The following OSBPL9 variants were observed in gnomAD, a reference collection of about 807,000 sequenced individuals.
The protein encoded by OSBPL9 is oxysterol-binding protein-related protein 9.
OSBPL9 carries 40 observed loss-of-function variants against 106.6 expected under a neutral mutation model. The observed-to-expected ratio is 0.38, with a 90% CI of 0.29 to 0.49. The LOEUF (loss-of-function observed/expected upper bound fraction) is 0.49. OSBPL9 is among the 20% of genes least tolerant of loss of function. OSBPL9 has a pLI of 0.97. For synonymous variants in OSBPL9, 269 were observed against 295.4 expected, an observed-to-expected ratio of 0.91 and a Z score of 0.92; for missense variants, 609 against 887.2, an observed-to-expected ratio of 0.69 and a Z score of 3.98.
intron 12 of OSBPL9, among the ~76,000 whole-genome samples, chr1:51,766,267 C>T (rs1057108541): frequency 6.6e-5 from 10 of 152,074 alleles, no homozygotes; most frequent in Admixed American, 4.6e-4. Flanking sequence ...AATGTGCCAG[C>T]GTTATTAGTT....
chr1:51,629,939 A>T lies in OSBPL9; in HGVS notation c.111+12718A>T, dbSNP rs375710256. Among the ~76,000 whole-genome samples the T allele has an allele frequency of 4.7e-4, 70 of 150,424 alleles. 3 individuals are homozygous for T. The South Asian group carries it at 0.012, about 25-fold the overall frequency. ...ACTCCAGCCTGGGCGACAGAGCCAT[A>T]TTCCATCTCAAAAAAAAAAAATTAT... On this transcript the variant is annotated intron_variant, in intron 1 of 23. Transcript: ENST00000428468.
At chr1:51,613,526 T>A (rs1483452439), upstream of OSBPL9, among the ~76,000 whole-genome samples, 1 of 152,220 alleles carries the variant, frequency 6.6e-6, no homozygotes, top group Non-Finnish European at 1.5e-5. Context: ...ACAGAGTTAT[T>A]GTGATGGTTA....
chr1:51,553,543 C>CA, the OSBPL9 span, among the ~76,000 whole-genome samples: 50 of 149,764 alleles, frequency 3.3e-4, no homozygotes, highest in South Asian at 1.3e-3. Context: ...ACAAAACAAA[C>CA]AAAAAAAAAG....
the OSBPL9 span, among the ~76,000 whole-genome samples, chr1:51,558,542 G>A: frequency 2.0e-4 from 30 of 152,114 alleles, no homozygotes; most frequent in African/African-American, 7.2e-4. Flanking sequence ...TGGCTCATCT[G>A]GTCTTGTGAC....
At chr1:51,535,717 T>A in the OSBPL9 span, among the ~76,000 whole-genome samples, 106 of 152,004 alleles carry the variant, frequency 7.0e-4, no homozygotes, top group African/African-American at 2.4e-3. Flanking sequence ...CCACCACACC[T>A]GGCTAATTTT....
intron 3 of OSBPL9, among the ~76,000 whole-genome samples, chr1:51,680,768 TC>T (rs1275659217): frequency 6.6e-6 from 1 of 152,172 alleles, no homozygotes; most frequent in Non-Finnish European, 1.5e-5. Flanking sequence ...CTCCATTTTC[TC>T]CATTTGGTTA....
At chr1:51,741,463 C>T (rs945357491) in intron 4 of OSBPL9, among the ~76,000 whole-genome samples, 2 of 148,470 alleles carry the variant, frequency 1.3e-5, no homozygotes, top group African/African-American at 5.0e-5. Context: ...TTCTTTCCTT[C>T]CTTCCTCCTT....
At chr1:51,632,525 G>C (rs1645168939) in intron 1 of OSBPL9, among the ~76,000 whole-genome samples, 1 of 118,090 alleles carries the variant, frequency 8.5e-6, no homozygotes, top group Admixed American at 8.2e-5. Context: ...TAGTTTGCTG[G>C]CAGATGATAA....
intron 1 of OSBPL9, among the ~76,000 whole-genome samples, chr1:51,625,166 TTGTAG>T (rs1218809306): frequency 6.6e-6 from 1 of 152,242 alleles, no homozygotes; most frequent in African/African-American, 2.4e-5. Context: ...GCTTCCTGTG[TTGTAG>T]CAGACAAGCA....
chr1:51,579,466 T>G (rs570383504), intron 1 of OSBPL9, among the ~76,000 whole-genome samples: 27 of 152,306 alleles, frequency 1.8e-4, no homozygotes, highest in African/African-American at 6.5e-4. Context: ...TAAAAATATG[T>G]ATTTGCTGCC....
chr1:51,614,875 C>T (rs888037065), upstream of OSBPL9, among the ~76,000 whole-genome samples: 4 of 152,134 alleles, frequency 2.6e-5, no homozygotes, highest in African/African-American at 9.7e-5. Context: ...CATATAGCTA[C>T]TAAGTGATGA....
chr1:51,763,322 G>A (rs1445057145), intron 11 of OSBPL9, among the ~76,000 whole-genome samples: 1 of 152,000 alleles, frequency 6.6e-6, no homozygotes, highest in Non-Finnish European at 1.5e-5. Flanking sequence ...TTCTTAATTC[G>A]TTTAGGCTTA....
chr1:51,752,031 A>G (rs534222491), intron 8 of OSBPL9, among the ~76,000 whole-genome samples: 11 of 151,926 alleles, frequency 7.2e-5, no homozygotes, highest in East Asian at 1.9e-4. Context: ...CTGTATATGG[A>G]CTCTGTATCT....
chr1:51,746,601 C>A, intron 5 of OSBPL9, 109 bp from the exon 6 acceptor site: 19 of 703,450 alleles, frequency 2.7e-5, no homozygotes, highest in Non-Finnish European at 3.0e-5. Context: ...TATAAATCAT[C>A]CCTGGACAAA....
intron 11 of OSBPL9, 73 bp downstream of exon 11, chr1:51,762,044 A>G: frequency 9.4e-7 from 1 of 1,066,806 alleles, no homozygotes; most frequent in Non-Finnish European, 1.4e-6. Flanking sequence ...ACCTCTGATG[A>G]GGAGGGGGAA....
chr1:51,780,018 C>G (rs988521874), intron 15 of OSBPL9, among the ~76,000 whole-genome samples: 7 of 150,430 alleles, frequency 4.7e-5, no homozygotes, highest in Non-Finnish European at 1.0e-4. Context: ...GTGGAGCTTG[C>G]AGTGAGCCAA....
intron 1 of OSBPL9, among the ~76,000 whole-genome samples, chr1:51,624,526 C>T (rs1213141906): frequency 6.6e-6 from 1 of 151,700 alleles, no homozygotes; most frequent in African/African-American, 2.4e-5. Flanking sequence ...AGGCAAAACC[C>T]GTGAGCTGAG....
intron 1 of OSBPL9, among the ~76,000 whole-genome samples, chr1:51,649,916 C>A (rs937909512): frequency 5.3e-5 from 8 of 151,628 alleles, no homozygotes; most frequent in Non-Finnish European, 8.8e-5. Context: ...GCTCTGTCAC[C>A]CAGGCTAGAG....
chr1:51,520,384 C>T, the OSBPL9 span, among the ~76,000 whole-genome samples: 1 of 152,180 alleles, frequency 6.6e-6, no homozygotes, highest in Admixed American at 6.5e-5. Context: ...CTTCAAGAAG[C>T]CTTCTAGGAA....
Sources: allele counts gnomAD v4.1 joint callset (sites outside exome capture counted in the v4.1 genomes callset), GRCh38; gene constraint gnomAD v4.1.1; transcripts MANE v1.5; gene names NCBI Gene and HGNC (gene_info 2026-07-23, HGNC 2026-07-21).